The following RBMS3 variants were observed in gnomAD, a reference collection of about 807,000 sequenced individuals.
RBMS3 encodes RNA-binding motif, single-stranded-interacting protein 3.
RBMS3 carries 27 observed loss-of-function variants against 66.8 expected under a neutral mutation model. The ratio of observed to expected loss-of-function variants is 0.40; its 90% confidence interval spans 0.30 to 0.56. The LOEUF is 0.56. Among genes scored for constraint, RBMS3 ranks in the 20% least tolerant of loss-of-function variants. RBMS3 has a pLI of 0.40. For synonymous variants in RBMS3, 188 were observed against 183.0 expected, an observed-to-expected ratio of 1.03 and a Z score of -0.22; for missense variants, 513 against 549.5, an observed-to-expected ratio of 0.93 and a Z score of 0.66.
At position 29,868,840 on chromosome 3, in the gene RBMS3, G is replaced by A; in HGVS notation, c.638-18G>A. On this transcript the variant is annotated intron_variant, in intron 6 of 14. Transcript: ENST00000383767. The stretch of plus-strand genomic sequence containing the variant: ...AAGGGGGAGTTGTTAATGTAGAATT[G>A]GTTTCTTATCTTCCCAGCCCCCAGT... The A allele has an allele frequency of 6.4e-7, 1 of 1,570,846 alleles. No individual in the cohort carries two copies.
At chr3:29,328,259 A>G (rs2035454643) in intron 1 of RBMS3, among the ~76,000 whole-genome samples, 1 of 152,232 alleles carries the variant, frequency 6.6e-6, no homozygotes, top group Non-Finnish European at 1.5e-5. Context: ...ACAAGAATAT[A>G]TAATGGTGAG....
At chr3:29,359,507 CT>C (rs1353494450) in intron 1 of RBMS3, among the ~76,000 whole-genome samples, 1 of 152,048 alleles carries the variant, frequency 6.6e-6, no homozygotes, top group East Asian at 1.9e-4. Context: ...CTAAAATTCT[CT>C]TTTTTTGTTG....
intron 4 of RBMS3, among the ~76,000 whole-genome samples, chr3:29,699,723 C>T (rs2052460188): frequency 6.6e-6 from 1 of 152,136 alleles, no homozygotes; most frequent in Non-Finnish European, 1.5e-5. Flanking sequence ...AACCACTTAT[C>T]CATAACGTAC....
chr3:29,593,224 T>C (rs1347374950), intron 4 of RBMS3, among the ~76,000 whole-genome samples: 1 of 152,198 alleles, frequency 6.6e-6, no homozygotes, highest in Non-Finnish European at 1.5e-5. Flanking sequence ...AGTGCAACTA[T>C]TGGCCTCATA....
At chr3:29,973,533 A>G (rs890647144) in intron 12 of RBMS3, among the ~76,000 whole-genome samples, 4 of 151,964 alleles carry the variant, frequency 2.6e-5, no homozygotes, top group Admixed American at 2.0e-4. Context: ...TTATTGCCAT[A>G]GTATATGGCT....
At chr3:29,606,216 T>G (rs1049350674) in intron 4 of RBMS3, among the ~76,000 whole-genome samples, 7 of 151,960 alleles carry the variant, frequency 4.6e-5, no homozygotes, top group Admixed American at 3.3e-4. Context: ...ACACACTCAG[T>G]GGTGTAATAA....
At chr3:29,778,152 T>C (rs2056490395) in intron 6 of RBMS3, among the ~76,000 whole-genome samples, 1 of 151,938 alleles carries the variant, frequency 6.6e-6, no homozygotes. Flanking sequence ...GTATTAGTCC[T>C]GGATCCAACA....
intron 6 of RBMS3, among the ~76,000 whole-genome samples, chr3:29,798,929 G>A (rs1476175078): frequency 7.8e-6 from 1 of 127,702 alleles, no homozygotes; most frequent in African/African-American, 2.9e-5. Flanking sequence ...GTACCCTCTG[G>A]TTTTTTTTTT....
intron 14 of RBMS3, among the ~76,000 whole-genome samples, chr3:29,993,708 T>G (rs188059155): frequency 2.6e-5 from 4 of 152,298 alleles, no homozygotes; most frequent in African/African-American, 9.6e-5. Flanking sequence ...ACAAAAATAT[T>G]GGTTCTTCTT....
chr3:29,429,693 T>C (rs1220305952), intron 1 of RBMS3, among the ~76,000 whole-genome samples: 2 of 152,196 alleles, frequency 1.3e-5, no homozygotes, highest in African/African-American at 4.8e-5. Context: ...TCCTCCTAAA[T>C]AGGATTTATA....
chr3:29,706,992 A>G (rs1323943697), intron 4 of RBMS3, among the ~76,000 whole-genome samples: 4 of 152,188 alleles, frequency 2.6e-5, no homozygotes, highest in African/African-American at 9.7e-5. Flanking sequence ...GCCCCCTTTT[A>G]GGATGGCAAA....
At chr3:29,514,959 A>G (rs557109287) in intron 3 of RBMS3, among the ~76,000 whole-genome samples, 2 of 152,222 alleles carry the variant, frequency 1.3e-5, no homozygotes, top group African/African-American at 4.8e-5. Flanking sequence ...TGTCAACGTT[A>G]CCAGCATTTC....
chr3:29,281,617 G>A lies in RBMS3; in HGVS notation c.-65G>A, dbSNP rs1032643701. ...GTCAGGAATAGTGGTTTAAGAGGAA[G>A]CTCGGCCTGGGGCACTATACCCTGT... is the stretch of plus-strand genomic sequence containing the variant. On this transcript the variant is annotated 5_prime_UTR_variant, in exon 1 of 15. Coordinates refer to ENST00000383767, the MANE Select transcript of RBMS3 (RefSeq NM_001003793.3). 24 of 1,355,716 alleles carry A rather than the reference G, an allele frequency of 1.8e-5. No individual in the cohort carries two copies. The highest frequency in any genetic ancestry group is 2.4e-5 in the Non-Finnish European group (23 of 946,778). 84.0% of individuals were successfully genotyped at this position (1,355,716 alleles called of 1,614,324 possible).
At chr3:29,414,550 A>C (rs1200299273) in intron 1 of RBMS3, among the ~76,000 whole-genome samples, 1 of 152,204 alleles carries the variant, frequency 6.6e-6, no homozygotes, top group Non-Finnish European at 1.5e-5. Flanking sequence ...TACTTCATTC[A>C]TTAGTTCTGA....
intron 4 of RBMS3, among the ~76,000 whole-genome samples, chr3:29,701,286 A>G (rs2052561934): frequency 6.6e-6 from 1 of 152,134 alleles, no homozygotes. Context: ...TCAAAAGAAA[A>G]AAAAAAAGAA....
chr3:29,311,460 A>G (rs908294623), intron 1 of RBMS3, among the ~76,000 whole-genome samples: 3 of 151,744 alleles, frequency 2.0e-5, no homozygotes, highest in African/African-American at 7.3e-5. Flanking sequence ...TAAACACTTG[A>G]TATTCTAAGT....
At chr3:29,453,670 T>C (rs1185168189) in intron 2 of RBMS3, among the ~76,000 whole-genome samples, 1 of 152,200 alleles carries the variant, frequency 6.6e-6, no homozygotes, top group African/African-American at 2.4e-5. Context: ...AGGATGCTTA[T>C]AGACCACGTA....
intron 1 of RBMS3, among the ~76,000 whole-genome samples, chr3:29,357,680 T>C (rs1441311906): frequency 2.0e-5 from 3 of 152,208 alleles, no homozygotes; most frequent in African/African-American, 7.2e-5. Context: ...GTAAAAGTGT[T>C]CCCATTTCTC....
At chr3:29,857,579 G>T (rs1470272648) in intron 6 of RBMS3, among the ~76,000 whole-genome samples, 4 of 142,040 alleles carry the variant, frequency 2.8e-5, no homozygotes, top group Admixed American at 7.0e-5. Context: ...AAAAAAAAAA[G>T]GTTGTGCCCC....
Sources: gnomAD v4.1 joint callset for allele counts (sites outside exome capture counted in the v4.1 genomes callset) on GRCh38, gnomAD v4.1.1 for gene constraint, MANE v1.5 for transcripts, NCBI Gene and HGNC (gene_info 2026-07-23, HGNC 2026-07-21) for gene names.